LUZP2: variants seen among roughly 807,000 people sequenced by gnomAD.
LUZP2 encodes leucine zipper protein 2.
A neutral mutation model predicts 51.6 loss-of-function variants in LUZP2; 52 were observed. The observed-to-expected ratio is 1.01, with a 90% CI of 0.81 to 1.27. The LOEUF (loss-of-function observed/expected upper bound fraction) is 1.27. Ranked by LOEUF, LUZP2 falls within the 50% of genes most tolerant of loss-of-function variation. The pLI, the probability that LUZP2 is intolerant of heterozygous loss-of-function variation, is 0.00. For synonymous variants in LUZP2, 154 were observed against 137.3 expected, an observed-to-expected ratio of 1.12 and a Z score of -0.85; for missense variants, 436 against 395.4, an observed-to-expected ratio of 1.10 and a Z score of -0.87.
At chr11:24,563,533 A>C (rs1378814020) in intron 1 of LUZP2, among the ~76,000 whole-genome samples, 1 of 152,172 alleles carries the variant, frequency 6.6e-6, no homozygotes, top group African/African-American at 2.4e-5. Context: ...GGATATAATA[A>C]GTACGATTCT....
chr11:24,985,540 G>C (rs763518515), intron 9 of LUZP2, among the ~76,000 whole-genome samples: 5 of 151,690 alleles, frequency 3.3e-5, no homozygotes, highest in Non-Finnish European at 7.4e-5. Context: ...ATGTAGGAGA[G>C]GATGGTGACC....
At chr11:24,704,128 TC>T (rs1857498737) in intron 1 of LUZP2, among the ~76,000 whole-genome samples, 1 of 152,200 alleles carries the variant, frequency 6.6e-6, no homozygotes, top group Admixed American at 6.5e-5. Flanking sequence ...TCTCTCTCTC[TC>T]TCTCATACGT....
At chr11:24,562,734 C>T (rs551912960) in intron 1 of LUZP2, among the ~76,000 whole-genome samples, 34 of 149,338 alleles carry the variant, frequency 2.3e-4, no homozygotes, top group African/African-American at 7.4e-4. Flanking sequence ...TGGTGGTGGG[C>T]GCCTGTAGTC....
intron 5 of LUZP2, among the ~76,000 whole-genome samples, chr11:24,808,196 G>T (rs114039102): frequency 6.6e-6 from 1 of 152,028 alleles, no homozygotes; most frequent in East Asian, 1.9e-4. Context: ...TAATGTAAGC[G>T]GATGATAACA....
At chr11:24,579,419 C>A (rs1001233915) in intron 1 of LUZP2, among the ~76,000 whole-genome samples, 2 of 152,170 alleles carry the variant, frequency 1.3e-5, no homozygotes, top group East Asian at 1.9e-4. Flanking sequence ...ACTACTATAG[C>A]AATTTTTATT....
chr11:24,746,103 T>C (rs2133999020), intron 4 of LUZP2, among the ~76,000 whole-genome samples: 1 of 152,302 alleles, frequency 6.6e-6, no homozygotes, highest in East Asian at 1.9e-4. Flanking sequence ...TGGTGTTTTT[T>C]GTTTTAAGTT....
In LUZP2 at chr11:25,038,022, G is replaced by A. The variant is rs554626546; in HGVS notation, c.766-12016G>A. ...TGTCAACCTCCCTAGCAAAATTAGT[G>A]AAATTTTCACGTATTGAGAGAGATA... is the stretch of plus-strand genomic sequence containing the variant. On this transcript the variant is annotated intron_variant, in intron 9 of 11. Transcript: ENST00000336930. 4.6e-4 allele frequency among the ~76,000 whole-genome samples: 70 copies of A among 151,886 alleles called. No individual in the cohort carries two copies. In the South Asian group the frequency reaches 6.2e-3, roughly 14 times the overall value.
intron 5 of LUZP2, among the ~76,000 whole-genome samples, chr11:24,889,026 A>G (rs541646904): frequency 2.7e-4 from 41 of 152,298 alleles, no homozygotes; most frequent in African/African-American, 9.4e-4. Context: ...TCTTTATAGC[A>G]TTATGAAAAC....
At chr11:24,670,938 G>A (rs1856382831) in intron 1 of LUZP2, among the ~76,000 whole-genome samples, 1 of 151,702 alleles carries the variant, frequency 6.6e-6, no homozygotes, top group Non-Finnish European at 1.5e-5. Context: ...AATGAATATA[G>A]TTTCATACTG....
chr11:24,571,026 G>A (rs1406765244), intron 1 of LUZP2, among the ~76,000 whole-genome samples: 1 of 152,160 alleles, frequency 6.6e-6, no homozygotes, highest in East Asian at 1.9e-4. Context: ...GCAATACTAT[G>A]TGGATGGAAG....
intron 7 of LUZP2, among the ~76,000 whole-genome samples, chr11:24,934,017 G>A (rs1336928807): frequency 6.6e-6 from 1 of 152,084 alleles, no homozygotes; most frequent in African/African-American, 2.4e-5. Flanking sequence ...AGGGTGTATC[G>A]TACAAAGTAC....
chr11:24,609,879 G>A lies in LUZP2; in HGVS notation c.62+112574G>A, dbSNP rs538578743. Among the ~76,000 whole-genome samples the A allele has an allele frequency of 1.3e-4, 20 of 152,182 alleles. No individual in the cohort carries two copies. The South Asian group carries it at 3.9e-3, about 30-fold the overall frequency. Reference sequence around the variant, plus strand: ...AGGTCACAGCAAACCAAAAAGACTGGCATTAAAGATTATCCCTTTAAAGGG... The same window carrying A: ...AGGTCACAGCAAACCAAAAAGACTGACATTAAAGATTATCCCTTTAAAGGG... On this transcript the variant is annotated intron_variant, in intron 1 of 11. Transcript: ENST00000336930.
At chr11:24,875,643 G>C (rs1015329745) in intron 5 of LUZP2, among the ~76,000 whole-genome samples, 30 of 150,058 alleles carry the variant, frequency 2.0e-4, no homozygotes, top group African/African-American at 6.9e-4. Flanking sequence ...GGGTCAAATG[G>C]TATTTCTAGT....
intron 1 of LUZP2, among the ~76,000 whole-genome samples, chr11:24,514,288 G>C (rs1478949716): frequency 1.3e-5 from 2 of 152,188 alleles, no homozygotes; most frequent in African/African-American, 4.8e-5. Flanking sequence ...GAAAGAAATA[G>C]ATGGTGATGA....
chr11:24,644,914 A>T (rs1387741222), intron 1 of LUZP2, among the ~76,000 whole-genome samples: 1 of 152,194 alleles, frequency 6.6e-6, no homozygotes, highest in African/African-American at 2.4e-5. Context: ...ATAAAAAACA[A>T]GTGGGGAAAA....
At chr11:24,663,482 T>A (rs1856093176) in intron 1 of LUZP2, among the ~76,000 whole-genome samples, 1 of 152,206 alleles carries the variant, frequency 6.6e-6, no homozygotes. Flanking sequence ...GAGGAATTTC[T>A]TTATAGCAGT....
chr11:24,721,506 AT>A (rs1858269094), intron 1 of LUZP2, among the ~76,000 whole-genome samples: 4 of 152,194 alleles, frequency 2.6e-5, no homozygotes, highest in Admixed American at 2.6e-4. Flanking sequence ...TTGATAATAA[AT>A]TAGGATATAG....
intron 5 of LUZP2, among the ~76,000 whole-genome samples, chr11:24,787,743 A>G (rs899114203): frequency 1.3e-5 from 2 of 152,206 alleles, no homozygotes; most frequent in Admixed American, 1.3e-4. Flanking sequence ...AGGTTTATAT[A>G]TAATAGTTGT....
At chr11:24,744,116 G>A (rs552858196) in intron 4 of LUZP2, among the ~76,000 whole-genome samples, 7 of 152,130 alleles carry the variant, frequency 4.6e-5, no homozygotes, top group Middle Eastern at 3.4e-3. Context: ...CAGTTAGTTC[G>A]TATTTTGTTA....
Sources: allele counts gnomAD v4.1 joint callset (sites outside exome capture counted in the v4.1 genomes callset), GRCh38; gene constraint gnomAD v4.1.1; transcripts MANE v1.5; gene names NCBI Gene and HGNC (gene_info 2026-07-23, HGNC 2026-07-21).